The following PCDHA8 variants were observed in gnomAD, a reference collection of about 807,000 sequenced individuals.
PCDHA8 encodes the protein protocadherin alpha-8.
PCDHA8 carries 53 observed loss-of-function variants against 61.8 expected under a neutral mutation model. The observed-to-expected ratio is 0.86, with a 90% confidence interval of 0.69 to 1.08. PCDHA8 has a LOEUF of 1.08. Among genes scored for constraint, PCDHA8 ranks in the 50% least tolerant of loss-of-function variants. The probability of loss-of-function intolerance (pLI) is 0.00; values close to 1 mark genes in which losing one functional copy is unlikely to be tolerated. For synonymous variants in PCDHA8, 618 were observed against 556.6 expected (o/e 1.11, Z -1.55); for missense variants, 1,293 against 1,245.0 (o/e 1.04, Z -0.58).
chr5:140,918,032 A>G (rs528006913), intron 1 of PCDHA8, among the ~76,000 whole-genome samples: 2 of 152,224 alleles, frequency 1.3e-5, no homozygotes, highest in East Asian at 1.9e-4. Context: ...TGAGCGTGGA[A>G]GGTCTTTCCA....
intron 3 of PCDHA8, among the ~76,000 whole-genome samples, chr5:140,985,992 G>A (rs1173402846): frequency 3.3e-5 from 5 of 152,068 alleles, no homozygotes; most frequent in African/African-American, 4.8e-5. Context: ...GCCCACCTCA[G>A]CCTCCCAAAG....
chr5:140,900,312 T>C (rs902600593), intron 1 of PCDHA8, among the ~76,000 whole-genome samples: 1 of 151,284 alleles, frequency 6.6e-6, no homozygotes, highest in African/African-American at 2.4e-5. Flanking sequence ...AGTCTCACTT[T>C]TGTCGCCCAG....
intron 1 of PCDHA8, chr5:140,875,283 C>G (rs1554167582): frequency 7.3e-7 from 1 of 1,362,346 alleles, no homozygotes; most frequent in Non-Finnish European, 9.6e-7. Context: ...GAAGGTGAAA[C>G]AGGAAAATTT....
chr5:140,856,885 A>G, intron 1 of PCDHA8: 2 of 1,596,608 alleles, frequency 1.3e-6, no homozygotes, highest in Non-Finnish European at 1.7e-6. Context: ...TGATGTATTC[A>G]TTTAGCTCTT....
intron 3 of PCDHA8, among the ~76,000 whole-genome samples, chr5:141,000,421 A>ATATT (rs1265241806): frequency 1.1e-4 from 3 of 27,978 alleles, no homozygotes; most frequent in Non-Finnish European, 1.7e-4. Flanking sequence ...ATATATATAT[A>ATATT]TTTTTTTTTT....
At position 140,883,732 on chromosome 5, in the gene PCDHA8, G is replaced by T. The variant is rs17844355; in HGVS notation, c.2394+40017G>T. The stretch of plus-strand genomic sequence containing the variant: ...AGGACGCGGACGCACAGGAGAACGC[G>T]CTGGTCTCCTACTCGCTGGTGGAGC... On this transcript the variant is annotated intron_variant, in intron 1 of 3. Transcript: ENST00000531613. The T allele has an allele frequency of 3.9e-4, 630 of 1,613,452 alleles. 2 individuals are homozygous for T. The East Asian group carries it at 0.013, about 33-fold the overall frequency.
chr5:140,842,501 C>T lies in PCDHA8; in HGVS notation c.1180C>T (p.Pro394Ser). Residue 394 changes from proline (P) to serine (S), a missense_variant, in exon 1 of 4, where the codon CCC (proline) becomes TCC (serine). Transcript: ENST00000531613. ...GACCTGCTCCCTGATGCCCCATGTCCCCTTCAAGCTGGTGTCCACCTTCAA... is the reference window on the plus strand; with the variant it reads ...GACCTGCTCCCTGATGCCCCATGTCTCCTTCAAGCTGGTGTCCACCTTCAA... ...QVTCSLMPHV[P>S]FKLVSTFKNY... The T allele has an allele frequency of 6.2e-7, 1 of 1,613,826 alleles. No homozygotes were observed. Among genetic ancestry groups the T allele is most frequent in the Non-Finnish European group, 8.5e-7 (1 of 1,179,790 alleles).
At chr5:140,884,422 T>C (rs1470374467) in intron 1 of PCDHA8, 15 of 1,613,860 alleles carry the variant, frequency 9.3e-6, no homozygotes, top group Middle Eastern at 1.6e-4. Context: ...TGCTGCTGTA[T>C]ACTGCGCTGC....
At chr5:140,874,554 TTC>T (rs2054993631) in intron 1 of PCDHA8, among the ~76,000 whole-genome samples, 1 of 152,236 alleles carries the variant, frequency 6.6e-6, no homozygotes, top group African/African-American at 2.4e-5. Flanking sequence ...TAAGAGATCT[TTC>T]GCATTTTAGT....
chr5:140,989,925 T>G (rs2097366658), intron 3 of PCDHA8, among the ~76,000 whole-genome samples: 1 of 151,810 alleles, frequency 6.6e-6, no homozygotes, highest in South Asian at 2.1e-4. Context: ...AGAGCAGAGA[T>G]AGATGACATT....
At chr5:140,967,102 G>T (rs1279026258) in intron 1 of PCDHA8, 1 of 1,612,978 alleles carries the variant, frequency 6.2e-7, no homozygotes, top group African/African-American at 1.3e-5. Context: ...CGCTGTGTGA[G>T]CAGCGGCCTC....
intron 1 of PCDHA8, among the ~76,000 whole-genome samples, chr5:140,879,606 G>A (rs1554170878): frequency 6.6e-6 from 1 of 152,196 alleles, no homozygotes; most frequent in Non-Finnish European, 1.5e-5. Context: ...AAAACAATGT[G>A]TCCAGGTACT....
intron 1 of PCDHA8, among the ~76,000 whole-genome samples, chr5:140,937,289 G>A (rs1252675615): frequency 6.6e-5 from 10 of 151,862 alleles, no homozygotes; most frequent in African/African-American, 9.7e-5. Flanking sequence ...CACCCGCTTC[G>A]GCCTCCCAAA....
intron 1 of PCDHA8, among the ~76,000 whole-genome samples, chr5:140,880,101 T>C (rs1190307689): frequency 6.6e-6 from 1 of 152,192 alleles, no homozygotes; most frequent in Non-Finnish European, 1.5e-5. Context: ...CTTAAAATCA[T>C]AGAAGGATAG....
intron 1 of PCDHA8, among the ~76,000 whole-genome samples, chr5:140,874,484 G>A (rs1438670057): frequency 6.6e-6 from 1 of 152,190 alleles, no homozygotes; most frequent in African/African-American, 2.4e-5. Context: ...AAAGCAAAAG[G>A]TTGATATCAA....
At chr5:140,944,678 A>G (rs1483326984) in intron 1 of PCDHA8, among the ~76,000 whole-genome samples, 4 of 152,162 alleles carry the variant, frequency 2.6e-5, no homozygotes, top group African/African-American at 9.7e-5. Context: ...TATTCTGTGT[A>G]TCCTATTAAT....
chr5:140,966,753 C>G, intron 1 of PCDHA8: 3 of 1,433,176 alleles, frequency 2.1e-6, no homozygotes, highest in South Asian at 1.5e-5. Flanking sequence ...CTGCCTCCGC[C>G]GCGGCCAGTG....
Position 140,857,121 on chromosome 5 carries a change from T to C in PCDHA8, c.2394+13406T>C. 3.1e-6 allele frequency: 5 copies of C among 1,597,978 alleles called. 1 individual carries two copies. Among genetic ancestry groups the C allele is most frequent in the Non-Finnish European group, 4.3e-6 (5 of 1,167,600 alleles). ...ATTGTCACTTCTCTGTCTCTCCCAG[T>C]GAAAGAAGATGCTCAAGTGGGCACC... On this transcript the variant is annotated intron_variant, in intron 1 of 3. Transcript: ENST00000531613.
intron 1 of PCDHA8, chr5:140,862,641 A>C (rs529897830): frequency 1.7e-5 from 9 of 540,658 alleles, no homozygotes; most frequent in Admixed American, 9.7e-5. Context: ...ACGACTTCAC[A>C]GTGTCCGCGC....
Sources: allele counts gnomAD v4.1 joint callset (sites outside exome capture counted in the v4.1 genomes callset), GRCh38; gene constraint gnomAD v4.1.1; transcripts MANE v1.5; gene names NCBI Gene and HGNC (gene_info 2026-07-23, HGNC 2026-07-21).